PTPRT: variants seen among roughly 807,000 people sequenced by gnomAD.
PTPRT encodes the protein protein tyrosine phosphatase receptor type T, also known as receptor-type tyrosine-protein phosphatase T.
PTPRT carries 56 observed loss-of-function variants against 176.8 expected under a neutral mutation model. The ratio of observed to expected loss-of-function variants is 0.32; its 90% CI spans 0.26 to 0.40. PTPRT has a LOEUF of 0.40. PTPRT is among the 10% of genes least tolerant of loss of function. The pLI is 1.00. For missense variants in PTPRT, 1,540 were observed against 1,908.2 expected (o/e 0.81, Z 3.60); for synonymous variants, 783 against 739.0 (o/e 1.06, Z -0.96).
rs904196871 is a variant in PTPRT, at chr20:42,407,104, A to T, written c.1560+41116T>A. Among the ~76,000 whole-genome samples the T allele has an allele frequency of 5.9e-5, 9 of 152,322 alleles. No individual in the cohort carries two copies. The East Asian group carries it at 1.7e-3, about 29-fold the overall frequency. On this transcript the variant is annotated intron_variant, in intron 9 of 30. Coordinates refer to ENST00000373187, the MANE Select transcript of PTPRT (RefSeq NM_007050.6). ...CCTGGTCTTAATGATTGTGATTTAG[A>T]GGTAAGACTATGGGCGTACCAATCA...
intron 2 of PTPRT, among the ~76,000 whole-genome samples, chr20:42,822,351 G>A (rs932705299): frequency 6.6e-6 from 1 of 152,038 alleles, no homozygotes; most frequent in African/African-American, 2.4e-5. Context: ...CTAGCCAAAT[G>A]CAAAAACAGA....
chr20:42,751,468 C>T (rs1048519816), intron 6 of PTPRT, among the ~76,000 whole-genome samples: 4 of 152,130 alleles, frequency 2.6e-5, no homozygotes, highest in African/African-American at 9.7e-5. Flanking sequence ...TAAGTGTTAA[C>T]TTGGTTGAAA....
intron 1 of PTPRT, among the ~76,000 whole-genome samples, chr20:43,132,911 T>C (rs894419486): frequency 1.3e-5 from 2 of 152,192 alleles, no homozygotes; most frequent in Non-Finnish European, 1.5e-5. Context: ...CATATAATTA[T>C]ATATGAGTAA....
At chr20:43,118,711 T>C (rs2013148286) in intron 1 of PTPRT, among the ~76,000 whole-genome samples, 1 of 152,214 alleles carries the variant, frequency 6.6e-6, no homozygotes, top group Non-Finnish European at 1.5e-5. Context: ...GTGCTGGGAT[T>C]ACAGGCGTGA....
At chr20:43,078,447 C>T (rs554261829) in intron 1 of PTPRT, among the ~76,000 whole-genome samples, 13 of 152,174 alleles carry the variant, frequency 8.5e-5, no homozygotes, top group Non-Finnish European at 1.8e-4. Context: ...TAATATTTCT[C>T]TCTCATCCCT....
chr20:42,643,413 C>A (rs2074809103), intron 7 of PTPRT, among the ~76,000 whole-genome samples: 1 of 152,034 alleles, frequency 6.6e-6, no homozygotes, highest in African/African-American at 2.4e-5. Context: ...CTCAACCTCC[C>A]AGGTTCAAGT....
chr20:42,826,533 G>A (rs2077997143), intron 2 of PTPRT, among the ~76,000 whole-genome samples: 2 of 152,164 alleles, frequency 1.3e-5, no homozygotes, highest in Non-Finnish European at 2.9e-5. Context: ...GGGGAAAAGT[G>A]CAGGTAGAAA....
chr20:42,626,553 T>G (rs943225160), intron 7 of PTPRT, among the ~76,000 whole-genome samples: 18 of 152,224 alleles, frequency 1.2e-4, no homozygotes, highest in African/African-American at 3.9e-4. Context: ...TTTTCTACAT[T>G]GCCCTCTACA....
At chr20:42,327,842 A>T (rs903450875) in intron 11 of PTPRT, among the ~76,000 whole-genome samples, 18 of 152,148 alleles carry the variant, frequency 1.2e-4, no homozygotes, top group African/African-American at 4.3e-4. Flanking sequence ...ATAAAAAATA[A>T]AACAACCAAT....
chr20:42,804,370 C>T (rs1237457578), intron 2 of PTPRT, among the ~76,000 whole-genome samples: 2 of 152,158 alleles, frequency 1.3e-5, no homozygotes, highest in Non-Finnish European at 2.9e-5. Flanking sequence ...CTCTTGGGTT[C>T]CCCTTCCTCT....
At chr20:42,229,355 CACCTATTA>C (rs1206720493) in intron 15 of PTPRT, among the ~76,000 whole-genome samples, 1 of 152,204 alleles carries the variant, frequency 6.6e-6, no homozygotes, top group East Asian at 1.9e-4. Flanking sequence ...CTTACATTTT[CACCTATTA>C]ACATGTTTGC....
chr20:42,373,057 G>T (rs1027946880), intron 9 of PTPRT, among the ~76,000 whole-genome samples: 2 of 152,178 alleles, frequency 1.3e-5, no homozygotes, highest in Admixed American at 1.3e-4. Flanking sequence ...AGTGAAATAG[G>T]GCCTATGGAG....
chr20:42,674,435 G>A (rs1245561786), intron 7 of PTPRT, among the ~76,000 whole-genome samples: 1 of 152,142 alleles, frequency 6.6e-6, no homozygotes, highest in Non-Finnish European at 1.5e-5. Flanking sequence ...TGATCATCTT[G>A]CGATTGAATT....
At chr20:42,361,038 C>T (rs564594365) in intron 9 of PTPRT, among the ~76,000 whole-genome samples, 7 of 152,268 alleles carry the variant, frequency 4.6e-5, no homozygotes, top group Non-Finnish European at 8.8e-5. Flanking sequence ...CAGTATTCTC[C>T]GCCCCACCCT....
intron 17 of PTPRT, among the ~76,000 whole-genome samples, chr20:42,148,797 T>C (rs1342391914): frequency 2.0e-5 from 3 of 152,154 alleles, no homozygotes; most frequent in Non-Finnish European, 4.4e-5. Flanking sequence ...GCCAAAAAAA[T>C]GACCAAACAC....
At chr20:42,604,882 G>A (rs937887927) in intron 7 of PTPRT, among the ~76,000 whole-genome samples, 2 of 152,180 alleles carry the variant, frequency 1.3e-5, no homozygotes, top group African/African-American at 4.8e-5. Flanking sequence ...CCCCCCTTGA[G>A]GCTTGGTGTG....
intron 15 of PTPRT, among the ~76,000 whole-genome samples, chr20:42,201,090 A>G (rs773257872): frequency 2.0e-5 from 3 of 152,192 alleles, no homozygotes; most frequent in Non-Finnish European, 4.4e-5. Context: ...TGAGCTGGGC[A>G]GATCACTTGA....
intron 9 of PTPRT, among the ~76,000 whole-genome samples, chr20:42,416,417 G>C (rs2059066421): frequency 6.6e-6 from 1 of 152,148 alleles, no homozygotes; most frequent in South Asian, 2.1e-4. Flanking sequence ...TAGGGTTTGT[G>C]ATAATGTGTT....
chr20:42,716,745 A>T (rs1245423927), intron 6 of PTPRT, among the ~76,000 whole-genome samples: 1 of 152,158 alleles, frequency 6.6e-6, no homozygotes, highest in Non-Finnish European at 1.5e-5. Flanking sequence ...ATGTATGTTT[A>T]TTGTGGCACT....
Sources: allele counts gnomAD v4.1 joint callset (sites outside exome capture counted in the v4.1 genomes callset), GRCh38; gene constraint gnomAD v4.1.1; transcripts MANE v1.5; gene names NCBI Gene and HGNC (gene_info 2026-07-23, HGNC 2026-07-21).